CHDH: variants seen among roughly 807,000 people sequenced by gnomAD.
CHDH encodes the protein choline dehydrogenase, mitochondrial.
CHDH carries 43 observed loss-of-function variants against 56.9 expected under a neutral mutation model. The observed-to-expected ratio is 0.76, with a 90% CI of 0.59 to 0.97. The LOEUF is 0.97. CHDH is among the 50% of genes least tolerant of loss of function. The pLI is 0.00. For synonymous variants in CHDH, 364 were observed against 348.5 expected, an observed-to-expected ratio of 1.04 and a Z score of -0.50; for missense variants, 816 against 821.1, an observed-to-expected ratio of 0.99 and a Z score of 0.08.
In CHDH at chr3:53,819,105, C is replaced by T. The variant is rs956295003; in HGVS notation, c.1264-65G>A. 7 of 1,105,304 alleles carry T rather than the reference C, an allele frequency of 6.3e-6. No homozygotes were observed. The highest frequency in any genetic ancestry group is 9.4e-6 in the Non-Finnish European group (7 of 742,566). The allele number at this position is 1,105,304 out of a possible 1,614,324, so 68.5% of individuals were successfully genotyped here. A position where few individuals can be genotyped will look rare whatever the true frequency, so the allele number is the denominator to read the frequency against. ...GACATCCACAGTGACCTCTGTCAAC[C>T]CTGGTTTACCTGTAGGGTGGGCCTC... is the stretch of plus-strand genomic sequence containing the variant. On this transcript the variant is annotated intron_variant, in intron 7 of 8. Transcript: ENST00000315251. The surrounding 1 kb of genome is among the most constrained non-coding windows in gnomAD (Gnocchi z 5.4).
chr3:53,818,788 G>A, intron 8 of CHDH, 150 bp downstream of exon 8: 1 of 693,634 alleles, frequency 1.4e-6, no homozygotes, highest in Non-Finnish European at 2.7e-6. Flanking sequence ...GCCTATGCAA[G>A]TTTACAGCCT....
Position 53,818,063 on chromosome 3 carries a change from G to A in CHDH, c.1499C>T (p.Ala500Val). The stretch of plus-strand genomic sequence containing the variant: ...GCTGTCGGCTTTTGCCCGCACAAAG[G>A]CATCTATCTCTTTATCTGACTGAAT... Reference protein sequence around the residue: ...SHIQSDKEIDAFVRAKADSAY... With the variant: ...SHIQSDKEIDVFVRAKADSAY... The change falls in exon 9 of 9, where the codon GCC (alanine) becomes GTC (valine). Residue 500 changes from alanine to valine, a missense_variant. Physicochemically the swap from Ala to Val is moderately conservative, Grantham distance 64. Coordinates refer to ENST00000315251, the MANE Select transcript of CHDH (RefSeq NM_018397.5). The A allele has an allele frequency of 6.2e-7, 1 of 1,614,200 alleles. No individual in the cohort carries two copies. The highest frequency in any genetic ancestry group is 8.5e-7 in the Non-Finnish European group (1 of 1,180,036).
chr3:53,817,760 C>A lies in CHDH; in HGVS notation c.*17G>T. 1 of 1,570,498 alleles carries A rather than the reference C, an allele frequency of 6.4e-7. No individual in the cohort carries two copies. The highest frequency in any genetic ancestry group is 1.2e-5 in the South Asian group (1 of 82,588). Reference sequence around the variant, plus strand: ...TTATCAGGGGGCTTCCCTGGTCATCCTCCAGCAGCAACTGTCTTAGCGCTG... The same window carrying A: ...TTATCAGGGGGCTTCCCTGGTCATCATCCAGCAGCAACTGTCTTAGCGCTG... On this transcript the variant is annotated 3_prime_UTR_variant, in exon 9 of 9. Transcript: ENST00000315251.
chr3:53,834,796 T>G (rs758673732), intron 2 of CHDH, among the ~76,000 whole-genome samples: 3 of 152,176 alleles, frequency 2.0e-5, no homozygotes, highest in Non-Finnish European at 4.4e-5. Context: ...TCTTTCTAGC[T>G]CTTGGCCAGT....
chr3:53,820,385 A>T (rs1230722581), intron 6 of CHDH, 89 bp downstream of exon 6: 2 of 1,460,128 alleles, frequency 1.4e-6, no homozygotes, highest in Non-Finnish European at 1.8e-6. Context: ...CATCAAACCC[A>T]GTGGCCAGAA....
Position 53,819,558 on chromosome 3 carries a change from C to T in CHDH, c.1237G>A (p.Val413Ile), listed in dbSNP as rs749080484. 4.3e-6 allele frequency: 7 copies of T among 1,611,768 alleles called. No individual in the cohort carries two copies. The highest frequency in any genetic ancestry group is 2.2e-5 in the East Asian group (1 of 44,702). Residue 413 changes from valine to isoleucine, a missense_variant, in exon 7 of 9, where the codon GTC becomes ATC. Transcript: ENST00000315251. This position sits in a 1 kb window ranked among gnomAD's most constrained non-coding sequence, Gnocchi z 5.4. ...TGGTAAGCCTCCTGCTGGGTGGGGA[C>T]CCGCCCGTGGTCAATCACTTGGGAT... Reference protein sequence around the residue: ...LPSQVIDHGRVPTQQEAYQVH... With the variant: ...LPSQVIDHGRIPTQQEAYQVH...
rs59630779 is a variant in CHDH, at chr3:53,813,129, A to ATTTTTTTTTTTTTTTTTTTTTTTTTTT, written c.*4647_*4648insAAAAAAAAAAAAAAAAAAAAAAAAAAA. 8.5e-6 allele frequency: 1 copy of ATTTTTTTTTTTTTTTTTTTTTTTTTTT among 118,122 alleles called. No homozygotes were observed. The allele number at this position is 118,122 out of a possible 1,614,324, so 7.3% of individuals were successfully genotyped here. On this transcript the variant is annotated 3_prime_UTR_variant, in exon 9 of 9. Transcript: ENST00000315251. Reference sequence around the variant, plus strand: ...TTAATAGTATACAGACAACCTGTTAATTTTTTTTTTTTTTTTTTTTTTTGT... The same window carrying ATTTTTTTTTTTTTTTTTTTTTTTTTTT: ...TTAATAGTATACAGACAACCTGTTAATTTTTTTTTTTTTTTTTTTTTTTTTTTTTTTTTTTTTTTTTTTTTTTTTTGT...
At chr3:53,835,766 G>A (rs1316135318) in intron 2 of CHDH, among the ~76,000 whole-genome samples, 2 of 152,148 alleles carry the variant, frequency 1.3e-5, no homozygotes, top group Admixed American at 6.6e-5. Context: ...TGCTGAGCAC[G>A]TCACATGGGT....
rs756315152 is a variant in CHDH, at chr3:53,817,957, G to A, written c.1605C>T (p.Leu535=). Residue 535 remains leucine, a synonymous_variant, in exon 9 of 9, where the codon CTC becomes CTT. Transcript: ENST00000315251. ...TAVVDPQTRV[L]GVENLRVVDA... Reference sequence around the variant, plus strand: ...CGACGACCCTGAGGTTTTCCACCCCGAGGACCCTTGTCTGCGGATCCACCA... The same window carrying A: ...CGACGACCCTGAGGTTTTCCACCCCAAGGACCCTTGTCTGCGGATCCACCA... The A allele has an allele frequency of 9.3e-6, 15 of 1,614,082 alleles. No individual in the cohort carries two copies. Among genetic ancestry groups the A allele is most frequent in the Middle Eastern group, 1.6e-4 (1 of 6,084 alleles).
intron 6 of CHDH, 28 bp downstream of exon 6, chr3:53,820,446 C>G (rs771192667): frequency 6.3e-7 from 1 of 1,594,788 alleles, no homozygotes; most frequent in South Asian, 1.2e-5. Flanking sequence ...AGGCAGTCTC[C>G]TCCCAGGTTA....
chr3:53,819,399 G>A lies in CHDH; in HGVS notation c.1263+133C>T, dbSNP rs2095621778. 1 of 1,214,724 alleles carries A rather than the reference G, an allele frequency of 8.2e-7. No homozygotes were observed. Among genetic ancestry groups the A allele is most frequent in the Non-Finnish European group, 1.2e-6 (1 of 865,628 alleles). 75.2% of individuals were successfully genotyped at this position (1,214,724 alleles called of 1,614,324 possible). On this transcript the variant is annotated intron_variant, in intron 7 of 8. Coordinates refer to ENST00000315251, the MANE Select transcript of CHDH (RefSeq NM_018397.5). This position sits in a 1 kb window ranked among gnomAD's most constrained non-coding sequence, Gnocchi z 5.4. ...GACACGCTGGGCAGCTGGAAGGCAGGGGACAGGCCTCTGTGTCCCCCACTC... is the reference window on the plus strand; with the variant it reads ...GACACGCTGGGCAGCTGGAAGGCAGAGGACAGGCCTCTGTGTCCCCCACTC...
intron 6 of CHDH, 42 bp downstream of exon 6, chr3:53,820,432 T>A: frequency 6.3e-7 from 1 of 1,583,340 alleles, no homozygotes; most frequent in Non-Finnish European, 8.6e-7. Flanking sequence ...GTCTCAATGC[T>A]TATAGGCAGT....
At chr3:53,826,321 A>G (rs7644115) in intron 2 of CHDH, among the ~76,000 whole-genome samples, 3,781 of 152,174 alleles carry the variant, frequency 0.025, 165 homozygotes, top group African/African-American at 0.087. Flanking sequence ...ACAATAAAAA[A>G]AAAAAACCAC....
In CHDH at chr3:53,818,929, G is replaced by A. The variant is rs1353146007; in HGVS notation, c.1366+9C>T. 2 of 1,555,008 alleles carry A rather than the reference G, an allele frequency of 1.3e-6. No individual in the cohort carries two copies. Among genetic ancestry groups the A allele is most frequent in the South Asian group, 2.2e-5 (2 of 89,930 alleles). ...TTCAAGCCCAGGAAGACACAGGTGG[G>A]TGAAGTACCTGTTGACAAGTAGTTG... On this transcript the variant is annotated intron_variant, in intron 8 of 8. Coordinates refer to ENST00000315251, the MANE Select transcript of CHDH (RefSeq NM_018397.5).
chr3:53,832,124 G>A (rs1698352529), intron 2 of CHDH, among the ~76,000 whole-genome samples: 1 of 152,088 alleles, frequency 6.6e-6, no homozygotes, highest in Non-Finnish European at 1.5e-5. Context: ...TCCACTCCTA[G>A]GTATATACTC....
intron 1 of CHDH, among the ~76,000 whole-genome samples, chr3:53,843,974 C>A (rs1023316447): frequency 3.0e-4 from 45 of 152,206 alleles, no homozygotes; most frequent in African/African-American, 9.9e-4. Context: ...TCATGCAGGG[C>A]CACTTGAGGC....
Position 53,817,464 on chromosome 3 carries a change from CA to C in CHDH, c.*312del, listed in dbSNP as rs1388088692. 8 of 349,818 alleles carry C rather than the reference CA, an allele frequency of 2.3e-5. No individual in the cohort carries two copies. The highest frequency in any genetic ancestry group is 4.1e-5 in the African/African-American group (2 of 48,478). 21.7% of individuals were successfully genotyped at this position (349,818 alleles called of 1,614,324 possible). A position where few individuals can be genotyped will look rare whatever the true frequency, so the allele number is the denominator to read the frequency against. ...TGGGTTAGAGAATGCCACGTGAACA[CA>C]AGAAAAAGGATGCGGCAGGAGTTAA... On this transcript the variant is annotated 3_prime_UTR_variant, in exon 9 of 9. Coordinates refer to ENST00000315251, the MANE Select transcript of CHDH (RefSeq NM_018397.5).
rs1031839081 is a variant in CHDH at position 53,815,832 on chromosome 3, G to C, written c.*1945C>G. 6.6e-6 allele frequency: 1 copy of C among 152,320 alleles called. No homozygotes were observed. The highest frequency in any genetic ancestry group is 1.5e-5 in the Non-Finnish European group (1 of 68,144). 9.4% of individuals were successfully genotyped at this position (152,320 alleles called of 1,614,324 possible). A position where few individuals can be genotyped will look rare whatever the true frequency, so the allele number is the denominator to read the frequency against. ...AGGAAAGCTGCACGAGGCCCTCCAA[G>C]TTACGGGGCTGGCACCTGAACTCCT... On this transcript the variant is annotated 3_prime_UTR_variant, in exon 9 of 9. Coordinates refer to ENST00000315251, the MANE Select transcript of CHDH (RefSeq NM_018397.5).
rs1357780962 is a variant in CHDH at position 53,816,138 on chromosome 3, C to A, written c.*1639G>T. The A allele has an allele frequency of 1.7e-5, 2 of 117,434 alleles. No individual in the cohort carries two copies. Among genetic ancestry groups the A allele is most frequent in the Admixed American group, 8.0e-5 (1 of 12,428 alleles). 7.3% of individuals were successfully genotyped at this position (117,434 alleles called of 1,614,324 possible). The stretch of plus-strand genomic sequence containing the variant: ...CTAACTTGTGGCTGTCGGACGCCCC[C>A]CCCCCCCGCCCCAGTCTGTAAGCCG... On this transcript the variant is annotated 3_prime_UTR_variant, in exon 9 of 9. Transcript: ENST00000315251.
Sources: allele counts gnomAD v4.1 joint callset (sites outside exome capture counted in the v4.1 genomes callset), GRCh38; gene constraint gnomAD v4.1.1; non-coding constraint Gnocchi (gnomAD v3.1); transcripts MANE v1.5; gene names NCBI Gene and HGNC (gene_info 2026-07-23, HGNC 2026-07-21).